Variants in RYR2 observed in about 807,000 individuals in gnomAD.
RYR2 encodes the protein ryanodine receptor 2.
In RYR2, 227 loss-of-function variants were observed where a neutral mutation model predicts 601.1. The observed-to-expected ratio is 0.38, with a 90% CI of 0.34 to 0.42. The LOEUF is 0.42. Ranked by LOEUF, RYR2 falls within the 10% of genes least tolerant of loss-of-function variation. The probability of loss-of-function intolerance (pLI) is 1.00; values close to 1 mark genes in which losing one functional copy is unlikely to be tolerated. For missense variants in RYR2, 4,646 were observed against 6,156.5 expected (o/e 0.75, Z 8.21); for synonymous variants, 2,223 against 2,175.1 (o/e 1.02, Z -0.61).
chr1:237,119,451 C>T (rs41454545), intron 1 of RYR2, among the ~76,000 whole-genome samples: 1 of 152,096 alleles, frequency 6.6e-6, no homozygotes, highest in African/African-American at 2.4e-5. Context: ...TGCGTATGCT[C>T]TCATCTTGGT....
At chr1:237,598,494 C>T (rs1676131635) in intron 34 of RYR2, among the ~76,000 whole-genome samples, 1 of 152,204 alleles carries the variant, frequency 6.6e-6, no homozygotes, top group South Asian at 2.1e-4. Context: ...AACTAGAAAT[C>T]AATACTGAGA....
chr1:237,733,868 A>G (rs1306908095), intron 79 of RYR2, 112 bp downstream of exon 79: 4 of 753,390 alleles, frequency 5.3e-6, no homozygotes, highest in Non-Finnish European at 8.9e-6. Context: ...TTTTGTTTGT[A>G]GCATGAATCT....
intron 1 of RYR2, among the ~76,000 whole-genome samples, chr1:237,221,759 G>T (rs1246176223): frequency 1.3e-5 from 2 of 152,104 alleles, no homozygotes; most frequent in African/African-American, 2.4e-5. Context: ...TTTATCAAGG[G>T]CTCACTGAGG....
Position 237,565,183 on chromosome 1 carries a change from CTTTCTTTCTTT to C in RYR2, c.3215-1383_3215-1373del, listed in dbSNP as rs1559035921. Among the ~76,000 whole-genome samples the C allele has an allele frequency of 2.0e-3, 128 of 64,328 alleles. 2 individuals are homozygous for C. The highest frequency in any genetic ancestry group is 5.7e-3 in the African/African-American group (110 of 19,398). 42.2% of individuals were successfully genotyped at this position (64,328 alleles called of 152,430 possible). ...TCTTTCTTTCTTTCTTTCTTTCTTT[CTTTCTTTCTTT>C]CTTTCTTTCTTTCTTTCTTTCTTTC... On this transcript the variant is annotated intron_variant, in intron 27 of 104. Transcript: ENST00000366574.
At chr1:237,064,824 T>C (rs1469637603) in intron 1 of RYR2, among the ~76,000 whole-genome samples, 2 of 142,494 alleles carry the variant, frequency 1.4e-5, no homozygotes, top group Non-Finnish European at 3.0e-5. Flanking sequence ...TTCAGTATAT[T>C]GCATGCAAGC....
intron 10 of RYR2, among the ~76,000 whole-genome samples, chr1:237,396,101 G>A (rs1314741936): frequency 1.3e-5 from 2 of 152,212 alleles, no homozygotes; most frequent in Non-Finnish European, 2.9e-5. Flanking sequence ...AAGGATGGCT[G>A]TATAGAGAAT....
At chr1:237,593,948 G>T (rs187758962) in intron 33 of RYR2, among the ~76,000 whole-genome samples, 4 of 152,312 alleles carry the variant, frequency 2.6e-5, no homozygotes, top group Admixed American at 2.6e-4. Context: ...TGAGAGATGG[G>T]TGAATGTGCG....
chr1:237,738,086 A>G lies in RYR2; in HGVS notation c.11092-4210A>G, dbSNP rs369267364. Among the ~76,000 whole-genome samples, 114 of 152,306 alleles carry G rather than the reference A, an allele frequency of 7.5e-4. 3 individuals carry two copies. In the South Asian group the frequency reaches 0.023, roughly 31 times the overall value. On this transcript the variant is annotated intron_variant, in intron 79 of 104. Transcript: ENST00000366574. ...ATGGTTTCTCGGTTTACCAACAGTC[A>G]TTCTGCATCCACGGATGTTACTTTT...
At chr1:237,256,272 T>C (rs968423449) in intron 1 of RYR2, among the ~76,000 whole-genome samples, 17 of 152,298 alleles carry the variant, frequency 1.1e-4, no homozygotes, top group Non-Finnish European at 2.4e-4. Context: ...GAGGCCTCCC[T>C]AGCCACATGG....
chr1:237,620,939 A>G (rs1176172404), intron 38 of RYR2, among the ~76,000 whole-genome samples: 1 of 152,158 alleles, frequency 6.6e-6, no homozygotes, highest in African/African-American at 2.4e-5. Flanking sequence ...AGGTTTGTAG[A>G]CTACTCCACC....
intron 1 of RYR2, among the ~76,000 whole-genome samples, chr1:237,135,317 G>T (rs1214588793): frequency 6.6e-6 from 1 of 151,208 alleles, no homozygotes; most frequent in African/African-American, 2.4e-5. Flanking sequence ...GTTCTCCTGG[G>T]CTACAGATTC....
chr1:237,061,390 T>G (rs1332691785), intron 1 of RYR2, among the ~76,000 whole-genome samples: 1 of 152,170 alleles, frequency 6.6e-6, no homozygotes, highest in African/African-American at 2.4e-5. Flanking sequence ...CAGTCATAGC[T>G]TGCTGCAGCC....
intron 2 of RYR2, among the ~76,000 whole-genome samples, chr1:237,293,759 G>A (rs1316888338): frequency 6.6e-6 from 1 of 152,196 alleles, no homozygotes; most frequent in Non-Finnish European, 1.5e-5. Flanking sequence ...GTCCTGTCCA[G>A]CGCATTACCC....
chr1:237,277,914 G>A (rs1690452225), intron 2 of RYR2, among the ~76,000 whole-genome samples: 1 of 152,132 alleles, frequency 6.6e-6, no homozygotes, highest in African/African-American at 2.4e-5. Flanking sequence ...ATGTTTATTT[G>A]CTATTTTTGA....
chr1:237,430,049 A>AAT (rs1642195729), intron 12 of RYR2, among the ~76,000 whole-genome samples: 1 of 151,002 alleles, frequency 6.6e-6, no homozygotes, highest in African/African-American at 2.4e-5. Flanking sequence ...TTTCCAGATC[A>AAT]ATATATATCA....
chr1:237,472,305 G>A (rs1025523728), intron 17 of RYR2, among the ~76,000 whole-genome samples: 2 of 152,156 alleles, frequency 1.3e-5, no homozygotes, highest in Non-Finnish European at 2.9e-5. Flanking sequence ...TAGTGCCCTA[G>A]CTGCAGATTC....
chr1:237,633,051 C>T (rs1276782839), intron 42 of RYR2, among the ~76,000 whole-genome samples: 1 of 152,208 alleles, frequency 6.6e-6, no homozygotes, highest in East Asian at 1.9e-4. Context: ...GAAATCATCT[C>T]ATGAGGTGCA....
At chr1:237,580,065 A>AT (rs1388474857) in intron 29 of RYR2, among the ~76,000 whole-genome samples, 1 of 151,344 alleles carries the variant, frequency 6.6e-6, no homozygotes, top group Non-Finnish European at 1.5e-5. Context: ...CTTAGGCGCT[A>AT]TGGGCTAATT....
At chr1:237,765,155 C>G (rs1028674881) in intron 84 of RYR2, among the ~76,000 whole-genome samples, 1 of 151,738 alleles carries the variant, frequency 6.6e-6, no homozygotes, top group East Asian at 1.9e-4. Flanking sequence ...TAATCAAATT[C>G]AAAAACAAAA....
Sources: gnomAD v4.1 joint callset for allele counts (sites outside exome capture counted in the v4.1 genomes callset) on GRCh38, gnomAD v4.1.1 for gene constraint, MANE v1.5 for transcripts, NCBI Gene and HGNC (gene_info 2026-07-23, HGNC 2026-07-21) for gene names.